MACROD2: variants seen among roughly 807,000 people sequenced by gnomAD.
MACROD2 encodes the protein mono-ADP ribosylhydrolase 2.
MACROD2 carries 36 observed loss-of-function variants against 70.4 expected under a neutral mutation model. The ratio of observed to expected loss-of-function variants is 0.51; its 90% CI spans 0.39 to 0.68. MACROD2 has a LOEUF of 0.68. MACROD2 is among the 30% of genes least tolerant of loss of function. MACROD2 has a pLI of 0.00. For missense variants in MACROD2, 496 were observed against 538.4 expected, an observed-to-expected ratio of 0.92 and a Z score of 0.78; for synonymous variants, 172 against 178.8, an observed-to-expected ratio of 0.96 and a Z score of 0.30.
At chr20:15,214,087 C>T (rs1475414457) in intron 5 of MACROD2, among the ~76,000 whole-genome samples, 1 of 152,048 alleles carries the variant, frequency 6.6e-6, no homozygotes, top group African/African-American at 2.4e-5. Context: ...ACTTTTATTT[C>T]ATTTCCAGCT....
intron 2 of MACROD2, among the ~76,000 whole-genome samples, chr20:14,011,505 T>A (rs559778862): frequency 6.6e-6 from 1 of 152,140 alleles, no homozygotes; most frequent in East Asian, 1.9e-4. Flanking sequence ...AAAAAGCCTG[T>A]TCAAGTAGAT....
intron 6 of MACROD2, among the ~76,000 whole-genome samples, chr20:15,334,826 A>G (rs1268576439): frequency 1.3e-5 from 2 of 151,774 alleles, no homozygotes; most frequent in East Asian, 1.9e-4. Context: ...ATGTTTAAAC[A>G]TTTAAACCTC....
intron 8 of MACROD2, among the ~76,000 whole-genome samples, chr20:15,529,686 C>A (rs569063203): frequency 6.6e-6 from 1 of 152,138 alleles, no homozygotes; most frequent in Admixed American, 6.5e-5. Flanking sequence ...TGTTGTATAA[C>A]CTTTCAAAAA....
rs188378778 is a variant in MACROD2 at position 15,126,789 on chromosome 20, G to A, written c.419-103151G>A. ...CTGAGTCCTCATGTCCCTTGGGCCAGCTGTATAATTGGGACTTCTGTGAAT... is the reference window on the plus strand; with the variant it reads ...CTGAGTCCTCATGTCCCTTGGGCCAACTGTATAATTGGGACTTCTGTGAAT... On this transcript the variant is annotated intron_variant, in intron 5 of 17. Transcript: ENST00000684519. Among the ~76,000 whole-genome samples the A allele has an allele frequency of 2.0e-3, 309 of 152,172 alleles. 2 individuals are homozygous for A. The highest frequency in any genetic ancestry group is 6.8e-3 in the Middle Eastern group (2 of 294).
chr20:14,381,757 C>T (rs1248416875), intron 3 of MACROD2, among the ~76,000 whole-genome samples: 4 of 152,182 alleles, frequency 2.6e-5, no homozygotes, highest in Non-Finnish European at 5.9e-5. Flanking sequence ...AAACCCAACA[C>T]TAAGATTTTC....
chr20:14,513,790 A>G (rs931940324), intron 4 of MACROD2, among the ~76,000 whole-genome samples: 8 of 152,074 alleles, frequency 5.3e-5, no homozygotes. Context: ...TATATTGTGC[A>G]TCTCAAATAA....
At position 15,360,972 on chromosome 20, in the gene MACROD2, T is replaced by C. The variant is rs1235145865; in HGVS notation, c.541-70433T>C. Among the ~76,000 whole-genome samples the C allele has an allele frequency of 2.0e-5, 3 of 152,070 alleles. No homozygotes were observed. In the East Asian group the frequency reaches 5.8e-4, roughly 29 times the overall value. On this transcript the variant is annotated intron_variant, in intron 6 of 17. Coordinates refer to ENST00000684519, the MANE Select transcript of MACROD2 (RefSeq NM_001351661.2). ...TACTAGATATCGGACCTTTGTCATA[T>C]ATATGGTTTGCAAATATTTTCTCTC...
At chr20:14,438,512 A>C (rs891309192) in intron 3 of MACROD2, among the ~76,000 whole-genome samples, 7 of 152,116 alleles carry the variant, frequency 4.6e-5, no homozygotes, top group African/African-American at 1.7e-4. Flanking sequence ...TGGCTGTAGC[A>C]ATTTACATTC....
chr20:15,555,688 A>C (rs544979621), intron 8 of MACROD2, among the ~76,000 whole-genome samples: 103 of 151,958 alleles, frequency 6.8e-4, no homozygotes, highest in African/African-American at 2.4e-3. Flanking sequence ...TAAAATACAA[A>C]AAATTAGCTA....
intron 8 of MACROD2, among the ~76,000 whole-genome samples, chr20:15,588,146 C>T (rs764062890): frequency 2.0e-5 from 3 of 152,210 alleles, no homozygotes; most frequent in Non-Finnish European, 4.4e-5. Flanking sequence ...CTTCTGTGCA[C>T]CCGCAGGCTT....
At chr20:15,078,438 C>T (rs1047079709) in intron 5 of MACROD2, among the ~76,000 whole-genome samples, 1 of 152,172 alleles carries the variant, frequency 6.6e-6, no homozygotes, top group African/African-American at 2.4e-5. Context: ...CACACAGAAA[C>T]TCAGGCATAG....
chr20:15,651,254 A>G (rs1406708158), intron 8 of MACROD2, among the ~76,000 whole-genome samples: 1 of 152,250 alleles, frequency 6.6e-6, no homozygotes, highest in Non-Finnish European at 1.5e-5. Flanking sequence ...TCTGGCTCAA[A>G]AAAGCAATAA....
chr20:14,362,785 G>T (rs1329125677), intron 3 of MACROD2, among the ~76,000 whole-genome samples: 1 of 151,912 alleles, frequency 6.6e-6, no homozygotes. Context: ...AATCTCTGGG[G>T]AAAAAAAGAT....
At chr20:15,139,407 T>G (rs1197885680) in intron 5 of MACROD2, among the ~76,000 whole-genome samples, 1 of 152,152 alleles carries the variant, frequency 6.6e-6, no homozygotes, top group African/African-American at 2.4e-5. Context: ...TAGGGGAATG[T>G]GCATTAAATC....
chr20:14,471,139 G>T (rs13036861), intron 3 of MACROD2, among the ~76,000 whole-genome samples: 1 of 152,050 alleles, frequency 6.6e-6, no homozygotes, highest in Non-Finnish European at 1.5e-5. Context: ...CTGTCCCTCA[G>T]GGCACAATCC....
chr20:15,132,738 C>A (rs1027910292), intron 5 of MACROD2, among the ~76,000 whole-genome samples: 1 of 151,884 alleles, frequency 6.6e-6, no homozygotes, highest in Non-Finnish European at 1.5e-5. Context: ...TTTGCTATTA[C>A]AATTGACCTA....
At chr20:14,771,152 G>C (rs1171429324) in intron 5 of MACROD2, among the ~76,000 whole-genome samples, 1 of 152,002 alleles carries the variant, frequency 6.6e-6, no homozygotes, top group Admixed American at 6.6e-5. Context: ...CTGCCTGATG[G>C]CTTGAGCTGG....
At chr20:15,320,798 C>T (rs2077866098) in intron 6 of MACROD2, among the ~76,000 whole-genome samples, 1 of 152,062 alleles carries the variant, frequency 6.6e-6, no homozygotes. Flanking sequence ...CATGGTAGAT[C>T]TCTTATGGAA....
chr20:14,175,985 C>A (rs2081260453), intron 3 of MACROD2, among the ~76,000 whole-genome samples: 1 of 152,158 alleles, frequency 6.6e-6, no homozygotes, highest in African/African-American at 2.4e-5. Context: ...TAAAATTAAG[C>A]TCCAAACAAA....
Sources: allele counts gnomAD v4.1 joint callset (sites outside exome capture counted in the v4.1 genomes callset), GRCh38; gene constraint gnomAD v4.1.1; transcripts MANE v1.5; gene names NCBI Gene and HGNC (gene_info 2026-07-23, HGNC 2026-07-21).